The following USP46 variants were observed in gnomAD, a reference collection of about 807,000 sequenced individuals.
USP46 encodes ubiquitin specific peptidase 46, also known as ubiquitin carboxyl-terminal hydrolase 46.
Under a neutral mutation model 44.4 loss-of-function variants are expected in USP46, and 12 were observed. The observed-to-expected ratio is 0.27, with a 90% CI of 0.17 to 0.44. The LOEUF is 0.44. Among genes scored for constraint, USP46 ranks in the 20% least tolerant of loss-of-function variants. The pLI, the probability that USP46 is intolerant of heterozygous loss-of-function variation, is 1.00. For synonymous variants in USP46, 155 were observed against 161.5 expected (o/e 0.96, Z 0.31); for missense variants, 248 against 444.8 (o/e 0.56, Z 3.98).
At chr4:52,627,859 A>G (rs1717652899) in intron 3 of USP46, 91 bp downstream of exon 3, 2 of 1,390,084 alleles carry the variant, frequency 1.4e-6, no homozygotes, top group Non-Finnish European at 1.9e-6. Context: ...CCCTTTTCAA[A>G]AAAATGCCAG....
chr4:52,645,944 A>G (rs1718536680), intron 1 of USP46, among the ~76,000 whole-genome samples: 1 of 150,630 alleles, frequency 6.6e-6, no homozygotes, highest in Admixed American at 6.6e-5. Flanking sequence ...CACCATGGTA[A>G]GATGTGCCTG....
At chr4:52,651,321 A>G (rs777333406) in intron 1 of USP46, among the ~76,000 whole-genome samples, 1 of 152,060 alleles carries the variant, frequency 6.6e-6, no homozygotes, top group Admixed American at 6.5e-5. Flanking sequence ...AGGAGGGAAC[A>G]CTAATTTAAA....
chr4:52,609,937 T>G (rs1716873149), intron 5 of USP46, among the ~76,000 whole-genome samples: 1 of 105,490 alleles, frequency 9.5e-6, no homozygotes, highest in Admixed American at 1.1e-4. Flanking sequence ...TTTTTTTTTT[T>G]TTTTTTGAGG....
chr4:52,609,338 G>A (rs1414147040), intron 5 of USP46, among the ~76,000 whole-genome samples: 1 of 152,134 alleles, frequency 6.6e-6, no homozygotes, highest in Non-Finnish European at 1.5e-5. Context: ...AAACATATCA[G>A]AAGAGATATG....
chr4:52,620,508 C>T (rs1717336711), intron 4 of USP46, among the ~76,000 whole-genome samples: 2 of 152,296 alleles, frequency 1.3e-5, no homozygotes, highest in East Asian at 3.9e-4. Flanking sequence ...AGGGCTCTCA[C>T]TGTACGCTCA....
At chr4:52,633,339 G>C (rs929546666) in intron 1 of USP46, among the ~76,000 whole-genome samples, 2 of 152,148 alleles carry the variant, frequency 1.3e-5, no homozygotes, top group Non-Finnish European at 2.9e-5. Context: ...ACAGTTCAAG[G>C]ATCATTTGCA....
At chr4:52,626,565 T>C (rs1717593932) in intron 3 of USP46, among the ~76,000 whole-genome samples, 1 of 152,148 alleles carries the variant, frequency 6.6e-6, no homozygotes, top group Admixed American at 6.5e-5. Context: ...CCTTGTGATT[T>C]GCCCACCCTG....
chr4:52,634,223 C>T (rs1007299107), intron 1 of USP46, among the ~76,000 whole-genome samples: 1 of 150,726 alleles, frequency 6.6e-6, no homozygotes, highest in Non-Finnish European at 1.5e-5. Flanking sequence ...AAACAATTCT[C>T]CTGGGCCAGG....
At chr4:52,650,697 T>TA (rs1485047838) in intron 1 of USP46, among the ~76,000 whole-genome samples, 1 of 152,218 alleles carries the variant, frequency 6.6e-6, no homozygotes, top group Non-Finnish European at 1.5e-5. Flanking sequence ...TTATTATTTT[T>TA]AAAATTTCTT....
At chr4:52,633,092 C>A (rs1933914031) in intron 1 of USP46, among the ~76,000 whole-genome samples, 1 of 152,198 alleles carries the variant, frequency 6.6e-6, no homozygotes, top group South Asian at 2.1e-4. Context: ...GGACTCACAA[C>A]TGGCATCTCC....
chr4:52,604,787 C>T (rs954712527), intron 5 of USP46, among the ~76,000 whole-genome samples: 1 of 151,976 alleles, frequency 6.6e-6, no homozygotes, highest in African/African-American at 2.4e-5. Flanking sequence ...GGTGCCATTA[C>T]GGTGGTAGAC....
intron 1 of USP46, among the ~76,000 whole-genome samples, chr4:52,632,331 T>C (rs1717861121): frequency 6.6e-6 from 1 of 152,148 alleles, no homozygotes; most frequent in Non-Finnish European, 1.5e-5. Flanking sequence ...ATGAGTCTTC[T>C]AGGATTAGGA....
At chr4:52,612,201 C>CT (rs1474464286) in intron 4 of USP46, among the ~76,000 whole-genome samples, 2 of 152,196 alleles carry the variant, frequency 1.3e-5, no homozygotes, top group Admixed American at 6.5e-5. Flanking sequence ...GGTTATCACA[C>CT]TAATTGAAAA....
intron 1 of USP46, among the ~76,000 whole-genome samples, chr4:52,641,325 A>G (rs946816191): frequency 3.9e-5 from 6 of 152,178 alleles, no homozygotes; most frequent in Non-Finnish European, 1.5e-5. Flanking sequence ...CAACTTTATT[A>G]AAAATAGCAT....
chr4:52,635,866 G>A (rs1258442942), intron 1 of USP46, among the ~76,000 whole-genome samples: 1 of 152,160 alleles, frequency 6.6e-6, no homozygotes, highest in African/African-American at 2.4e-5. Context: ...CAAACAAGCT[G>A]GTGGTGAGGT....
chr4:52,647,159 T>C (rs62338769), intron 1 of USP46, among the ~76,000 whole-genome samples: 236 of 152,254 alleles, frequency 1.6e-3, no homozygotes, highest in Non-Finnish European at 2.6e-3. Context: ...AAAAAAAGAA[T>C]GAGGTGGCTC....
chr4:52,650,636 T>C (rs1312280186), intron 1 of USP46, among the ~76,000 whole-genome samples: 3 of 152,234 alleles, frequency 2.0e-5, no homozygotes, highest in African/African-American at 4.8e-5. Flanking sequence ...GGTAAACATA[T>C]ATAACATTAT....
intron 7 of USP46, among the ~76,000 whole-genome samples, chr4:52,598,991 C>T (rs1223787762): frequency 6.6e-6 from 1 of 152,178 alleles, no homozygotes; most frequent in Non-Finnish European, 1.5e-5. Flanking sequence ...GTATTCTGTG[C>T]CAGGCCCTAT....
At chr4:52,610,752 T>A (rs755397044) in intron 4 of USP46, 135 bp from the exon 5 acceptor site, 4 of 724,560 alleles carry the variant, frequency 5.5e-6, no homozygotes, top group East Asian at 2.7e-5. Context: ...TGTATACTCA[T>A]TGGCACCCAG....
Sources: allele counts gnomAD v4.1 joint callset (sites outside exome capture counted in the v4.1 genomes callset), GRCh38; gene constraint gnomAD v4.1.1; transcripts MANE v1.5; gene names NCBI Gene and HGNC (gene_info 2026-07-23, HGNC 2026-07-21).